FMNL3: variants seen among roughly 807,000 people sequenced by gnomAD.
The protein encoded by FMNL3 is formin like 3, also known as formin-like protein 3.
Under a neutral mutation model 119.6 loss-of-function variants are expected in FMNL3, and 57 were observed. The observed-to-expected ratio is 0.48, with a 90% CI of 0.39 to 0.59. The LOEUF is 0.59. FMNL3 is among the 20% of genes least tolerant of loss of function. The pLI is 0.00. For synonymous variants in FMNL3, 491 were observed against 507.3 expected, an observed-to-expected ratio of 0.97 and a Z score of 0.43; for missense variants, 1,053 against 1,323.5, an observed-to-expected ratio of 0.80 and a Z score of 3.17.
rs189168687 is a variant in FMNL3 at position 49,685,975 on chromosome 12, G to A, written c.127-17421C>T. On this transcript the variant is annotated intron_variant, in intron 1 of 25. Coordinates refer to ENST00000335154, the MANE Select transcript of FMNL3 (RefSeq NM_175736.5). ...CCAGCTACTCGGGAGGCTGAGGCAC[G>A]AGAATCACTTGAACCTGGGAGGCAG... 1.8e-4 allele frequency among the ~76,000 whole-genome samples: 28 copies of A among 152,232 alleles called. 1 individual carries two copies. In the South Asian group the frequency reaches 2.3e-3, roughly 12 times the overall value.
At chr12:49,662,109 G>A in intron 4 of FMNL3, 60 bp from the exon 5 acceptor site, 1 of 1,508,818 alleles carries the variant, frequency 6.6e-7, no homozygotes, top group Non-Finnish European at 9.2e-7. Flanking sequence ...GGATGAGGGG[G>A]GTGACATGCC....
Position 49,647,147 on chromosome 12 carries a change from G to A in FMNL3, c.2871+129C>T. 1 of 1,553,190 alleles carries A rather than the reference G, an allele frequency of 6.4e-7. No homozygotes were observed. Among genetic ancestry groups the A allele is most frequent in the Non-Finnish European group, 8.8e-7 (1 of 1,136,368 alleles). On this transcript the variant is annotated intron_variant, in intron 24 of 25. Coordinates refer to ENST00000335154, the MANE Select transcript of FMNL3 (RefSeq NM_175736.5). The surrounding 1 kb of genome is among the most constrained non-coding windows in gnomAD (Gnocchi z 4.9). ...CCAAAGGCCCTCCCTCCATCCCTCT[G>A]GATGCCAGCCCACTGGCCCTCTGGG...
At chr12:49,671,363 T>C (rs7979262) in intron 1 of FMNL3, among the ~76,000 whole-genome samples, 32,738 of 152,262 alleles carry the variant, frequency 0.22, 5,865 homozygotes, top group African/African-American at 0.5. Context: ...ACCATAGCCA[T>C]ATCCTCCTGT....
In FMNL3 at chr12:49,700,208, T is replaced by C. The variant is rs1944864868; in HGVS notation, c.126+6847A>G. ...GAGATTGAGACCATCCTGGCTAACA[T>C]GGTGAAACCCCATCTCTACTAAAAA... On this transcript the variant is annotated intron_variant, in intron 1 of 25. Coordinates refer to ENST00000335154, the MANE Select transcript of FMNL3 (RefSeq NM_175736.5). 4.0e-5 allele frequency among the ~76,000 whole-genome samples: 6 copies of C among 151,158 alleles called. No homozygotes were observed. The South Asian group carries it at 1.3e-3, about 32-fold the overall frequency.
chr12:49,680,156 G>A (rs999594687), intron 1 of FMNL3, among the ~76,000 whole-genome samples: 5 of 152,248 alleles, frequency 3.3e-5, no homozygotes, highest in Non-Finnish European at 5.9e-5. Flanking sequence ...AGACAGCAGA[G>A]GCCATTTTGG....
At chr12:49,689,334 C>A (rs1338483864) in intron 1 of FMNL3, among the ~76,000 whole-genome samples, 1 of 152,206 alleles carries the variant, frequency 6.6e-6, no homozygotes, top group African/African-American at 2.4e-5. Context: ...ATATATCAAT[C>A]ATTCAACTTT....
rs1432626809 is a variant in FMNL3, at chr12:49,643,975, T to A, written c.*1840A>T. 1 of 1,614,172 alleles carries A rather than the reference T, an allele frequency of 6.2e-7. No individual in the cohort carries two copies. Among genetic ancestry groups the A allele is most frequent in the Non-Finnish European group, 8.5e-7 (1 of 1,180,026 alleles). On this transcript the variant is annotated 3_prime_UTR_variant, in exon 26 of 26. Transcript: ENST00000335154. The stretch of plus-strand genomic sequence containing the variant: ...CCAACAGGCAGAGCTCCCTAACCGT[T>A]CCCCAGGCTTTGGAATCAAGAAGGA...
chr12:49,659,295 A>T (rs1313038259), intron 5 of FMNL3, among the ~76,000 whole-genome samples: 1 of 152,208 alleles, frequency 6.6e-6, no homozygotes, highest in African/African-American at 2.4e-5. Flanking sequence ...CCCTGGGGGA[A>T]GAAATTACAA....
At chr12:49,652,417 G>A (rs1400057723) in intron 13 of FMNL3, among the ~76,000 whole-genome samples, 4 of 152,150 alleles carry the variant, frequency 2.6e-5, no homozygotes, top group Admixed American at 6.5e-5. Flanking sequence ...GCCTCCCTCC[G>A]CTGGCACCCT....
At chr12:49,693,193 T>C (rs1001040007) in intron 1 of FMNL3, among the ~76,000 whole-genome samples, 4 of 152,110 alleles carry the variant, frequency 2.6e-5, no homozygotes, top group Admixed American at 2.6e-4. Context: ...TTGGGTGCTT[T>C]GTGGAGAATG....
intron 1 of FMNL3, among the ~76,000 whole-genome samples, chr12:49,690,046 C>A (rs1260433187): frequency 6.6e-6 from 1 of 152,222 alleles, no homozygotes; most frequent in African/African-American, 2.4e-5. Context: ...CCTATCACCT[C>A]ATGATCTCAC....
chr12:49,657,319 C>A lies in FMNL3; in HGVS notation c.606-129G>T, dbSNP rs1026617769. 59 of 665,994 alleles carry A rather than the reference C, an allele frequency of 8.9e-5. No individual in the cohort carries two copies. In the Admixed American group the frequency reaches 1.2e-3, roughly 14 times the overall value. The allele number at this position is 665,994 out of a possible 1,614,324, so 41.3% of individuals were successfully genotyped here. A position where few individuals can be genotyped will look rare whatever the true frequency, so the allele number is the denominator to read the frequency against. On this transcript the variant is annotated intron_variant, in intron 6 of 25. Coordinates refer to ENST00000335154, the MANE Select transcript of FMNL3 (RefSeq NM_175736.5). The stretch of plus-strand genomic sequence containing the variant: ...AAAAAATAGGGAATAGCACCTCGTA[C>A]CAACAGCCAAGAGGGACAGGGTGCA...
At chr12:49,702,587 G>A (rs933934336) in intron 1 of FMNL3, among the ~76,000 whole-genome samples, 6 of 151,874 alleles carry the variant, frequency 4.0e-5, no homozygotes, top group African/African-American at 1.5e-4. Context: ...TCTCCCTCTG[G>A]GCAATGAAAA....
At position 49,638,080 on chromosome 12, in the gene FMNL3, G is replaced by C. The variant is rs1942091506; in HGVS notation, c.*7735C>G. The C allele has an allele frequency of 1.3e-5, 6 of 463,616 alleles. No homozygotes were observed. In the South Asian group the frequency reaches 1.7e-4, roughly 13 times the overall value. The allele number at this position is 463,616 out of a possible 1,614,324, so 28.7% of individuals were successfully genotyped here. On this transcript the variant is annotated 3_prime_UTR_variant, in exon 26 of 26. Transcript: ENST00000335154. ...AGTGTTATTACAGAGACAGGAATCT[G>C]AAGAACTAACATTTGAACTGTGCAT...
In FMNL3 at chr12:49,685,334, C is replaced by T. The variant is rs144634230; in HGVS notation, c.127-16780G>A. 3.0e-3 allele frequency among the ~76,000 whole-genome samples: 457 copies of T among 152,188 alleles called. 4 individuals carry two copies. Among genetic ancestry groups the T allele is most frequent in the African/African-American group, 0.011 (446 of 41,538 alleles). On this transcript the variant is annotated intron_variant, in intron 1 of 25. Transcript: ENST00000335154. ...ATCCCTAGCTGGGCATGGTGGCACG[C>T]GCCTGTAGTCCCAGCTACTCAGGAG...
rs762096751 is a variant in FMNL3, at chr12:49,643,237, A to C, written c.*2578T>G. The C allele has an allele frequency of 3.1e-6, 5 of 1,614,092 alleles. No homozygotes were observed. The South Asian group carries it at 5.5e-5, about 18-fold the overall frequency. ...GATCTGCCCAGGGCTCTGAGTCAGA[A>C]GAAGAGGAGCTGCCCCCACCATCTC... On this transcript the variant is annotated 3_prime_UTR_variant, in exon 26 of 26. Coordinates refer to ENST00000335154, the MANE Select transcript of FMNL3 (RefSeq NM_175736.5).
intron 5 of FMNL3, 181 bp downstream of exon 5, chr12:49,661,785 G>C (rs147386509): frequency 5.2e-5 from 32 of 613,746 alleles, no homozygotes; most frequent in African/African-American, 4.6e-4. Context: ...ATTCTTCACT[G>C]ATCCCCAGAC....
In FMNL3 at chr12:49,639,182, A is replaced by G. The variant is rs967546388; in HGVS notation, c.*6633T>C. On this transcript the variant is annotated 3_prime_UTR_variant, in exon 26 of 26. Transcript: ENST00000335154. The stretch of plus-strand genomic sequence containing the variant: ...ATGATCAGATTAGATGGTGTATAGT[A>G]GAACCTTTCAGTCTAGAGTACGTAC... 4 of 152,362 alleles carry G rather than the reference A, an allele frequency of 2.6e-5. No homozygotes were observed. The East Asian group carries it at 7.7e-4, about 29-fold the overall frequency. The allele number at this position is 152,362 out of a possible 1,614,324, so 9.4% of individuals were successfully genotyped here.
intron 1 of FMNL3, chr12:49,688,466 T>C (rs1009818910): frequency 2.2e-6 from 1 of 456,112 alleles, no homozygotes; most frequent in Non-Finnish European, 4.4e-6. Flanking sequence ...CTTCTCGGAC[T>C]CTCCTCAGCA....
Sources: gnomAD v4.1 joint callset for allele counts (sites outside exome capture counted in the v4.1 genomes callset) on GRCh38, gnomAD v4.1.1 for gene constraint, Gnocchi (gnomAD v3.1) non-coding constraint, MANE v1.5 for transcripts, NCBI Gene and HGNC (gene_info 2026-07-23, HGNC 2026-07-21) for gene names.